Variants in FRMD4A observed in about 807,000 individuals in gnomAD.
FRMD4A encodes FERM domain containing 4A.
Under a neutral mutation model 129.1 loss-of-function variants are expected in FRMD4A, and 29 were observed. The ratio of observed to expected loss-of-function variants is 0.22; its 90% confidence interval spans 0.17 to 0.31. The LOEUF is 0.31. Among genes scored for constraint, FRMD4A ranks in the 10% least tolerant of loss-of-function variants. FRMD4A has a pLI of 1.00. For missense variants in FRMD4A, 1,272 were observed against 1,375.8 expected (o/e 0.92, Z 1.19); for synonymous variants, 634 against 571.6 (o/e 1.11, Z -1.56).
At chr10:14,227,779 G>A (rs370588203) in intron 2 of FRMD4A, among the ~76,000 whole-genome samples, 1 of 152,148 alleles carries the variant, frequency 6.6e-6, no homozygotes, top group Non-Finnish European at 1.5e-5. Flanking sequence ...CCCAGAACAG[G>A]TTCCTGGCTC....
intron 2 of FRMD4A, among the ~76,000 whole-genome samples, chr10:13,966,547 G>T (rs1221124092): frequency 1.3e-5 from 2 of 152,208 alleles, no homozygotes; most frequent in African/African-American, 4.8e-5. Flanking sequence ...GAGATGTGCA[G>T]GGGGCTGCCA....
At chr10:14,083,957 A>T (rs1836090103) in intron 2 of FRMD4A, 1 of 152,214 alleles carries the variant, frequency 6.6e-6, no homozygotes, top group Non-Finnish European at 1.5e-5. Flanking sequence ...GAGTGAATAA[A>T]GACTCATTTA....
At chr10:14,068,958 T>G (rs1431533319) in intron 2 of FRMD4A, among the ~76,000 whole-genome samples, 1 of 151,774 alleles carries the variant, frequency 6.6e-6, no homozygotes, top group Non-Finnish European at 1.5e-5. Context: ...TCGAATGTTT[T>G]GTGGGTATAT....
chr10:13,678,180 C>G (rs1305001205), intron 15 of FRMD4A, among the ~76,000 whole-genome samples: 2 of 152,122 alleles, frequency 1.3e-5, no homozygotes, highest in Non-Finnish European at 2.9e-5. Context: ...GATACCAAGC[C>G]CACAGAAAAC....
intron 2 of FRMD4A, among the ~76,000 whole-genome samples, chr10:14,019,175 A>G (rs1320957999): frequency 6.6e-6 from 1 of 152,162 alleles, no homozygotes; most frequent in East Asian, 1.9e-4. Context: ...AGCTAATCCA[A>G]TTGATGCAGG....
At chr10:14,325,303 T>C (rs1439872504) in intron 2 of FRMD4A, among the ~76,000 whole-genome samples, 1 of 152,206 alleles carries the variant, frequency 6.6e-6, no homozygotes, top group East Asian at 1.9e-4. Flanking sequence ...AGAGAAGGAT[T>C]AGATTATAGT....
In FRMD4A at chr10:13,884,154, TCTCA is replaced by T. The variant is rs2094582928; in HGVS notation, c.46-25246_46-25243del. On this transcript the variant is annotated intron_variant, in intron 2 of 24. Coordinates refer to ENST00000357447, the MANE Select transcript of FRMD4A (RefSeq NM_018027.5). ...CACGCTCACACACACTCTCACACACTCTCACACACACACTCACACACTCACACAC... is the reference window on the plus strand; with the variant it reads ...CACGCTCACACACACTCTCACACACTCACACACACTCACACACTCACACAC... Among the ~76,000 whole-genome samples the T allele has an allele frequency of 2.3e-3, 252 of 111,198 alleles. 9 individuals are homozygous for T. Among genetic ancestry groups the T allele is most frequent in the African/African-American group, 8.5e-3 (237 of 27,908 alleles). The allele number at this position is 111,198 out of a possible 152,430, so 73.0% of individuals were successfully genotyped here.
intron 2 of FRMD4A, among the ~76,000 whole-genome samples, chr10:14,278,045 C>T (rs922872027): frequency 1.3e-5 from 2 of 152,298 alleles, no homozygotes; most frequent in South Asian, 4.1e-4. Context: ...CCACCAAGCT[C>T]GCAACACAAG....
Position 14,279,318 on chromosome 10 carries a change from C to T in FRMD4A, c.45+50740G>A, listed in dbSNP as rs1205988937. 2.0e-5 allele frequency among the ~76,000 whole-genome samples: 3 copies of T among 151,620 alleles called. No individual in the cohort carries two copies. The East Asian group carries it at 5.8e-4, about 29-fold the overall frequency. On this transcript the variant is annotated intron_variant, in intron 2 of 24. Transcript: ENST00000357447. ...GTTCTTGTGCCTGCCTCCCCAGTAG[C>T]TGGGATTACAGGTGCCCACCACCAT... is the stretch of plus-strand genomic sequence containing the variant.
chr10:13,871,790 G>A (rs1316606959), intron 2 of FRMD4A, among the ~76,000 whole-genome samples: 1 of 152,214 alleles, frequency 6.6e-6, no homozygotes, highest in Non-Finnish European at 1.5e-5. Flanking sequence ...GGAGGCTCCA[G>A]GCACACATCC....
At chr10:14,122,383 G>T (rs1218101966) in intron 2 of FRMD4A, among the ~76,000 whole-genome samples, 1 of 152,090 alleles carries the variant, frequency 6.6e-6, no homozygotes, top group Non-Finnish European at 1.5e-5. Context: ...TACTCATGGG[G>T]TGTGTATTAG....
chr10:13,891,754 G>A lies in FRMD4A; in HGVS notation c.46-32842C>T, dbSNP rs552719383. 940 of 983,048 alleles carry A rather than the reference G, an allele frequency of 9.6e-4. 6 individuals carry two copies. In the African/African-American group the frequency reaches 0.016, roughly 16 times the overall value. 60.9% of individuals were successfully genotyped at this position (983,048 alleles called of 1,614,324 possible). A position where few individuals can be genotyped will look rare whatever the true frequency, so the allele number is the denominator to read the frequency against. On this transcript the variant is annotated intron_variant, in intron 2 of 24. Transcript: ENST00000357447. ...TAGGCGGCCTTGGCGCCCGCAGCTGGCGAGCCCCCGCCCCGTCCCCGCCGC... is the reference window on the plus strand; with the variant it reads ...TAGGCGGCCTTGGCGCCCGCAGCTGACGAGCCCCCGCCCCGTCCCCGCCGC...
At chr10:13,795,300 A>G (rs1328438001) in intron 5 of FRMD4A, among the ~76,000 whole-genome samples, 2 of 152,262 alleles carry the variant, frequency 1.3e-5, no homozygotes, top group Non-Finnish European at 2.9e-5. Flanking sequence ...TGGCATTGAA[A>G]TCATCCCCAT....
At chr10:14,015,276 T>C (rs2095695522) in intron 2 of FRMD4A, among the ~76,000 whole-genome samples, 1 of 130,226 alleles carries the variant, frequency 7.7e-6, no homozygotes, top group Admixed American at 7.8e-5. Context: ...CTTCCTTTCT[T>C]CCTTCCTTCC....
intron 2 of FRMD4A, chr10:13,891,548 C>A: frequency 1.1e-6 from 1 of 951,458 alleles, no homozygotes; most frequent in African/African-American, 1.8e-5. Flanking sequence ...CCCGGCCCAG[C>A]GTGAAAACAC....
At chr10:14,297,967 G>A (rs570416358) in intron 2 of FRMD4A, among the ~76,000 whole-genome samples, 1 of 152,296 alleles carries the variant, frequency 6.6e-6, no homozygotes, top group South Asian at 2.1e-4. Flanking sequence ...GGTTTTCTCA[G>A]CTGTTACACG....
chr10:13,921,108 G>A (rs1363644837), intron 2 of FRMD4A, among the ~76,000 whole-genome samples: 2 of 152,164 alleles, frequency 1.3e-5, no homozygotes, highest in African/African-American at 4.8e-5. Context: ...TTGGATTTTG[G>A]TGAGGGCTCC....
chr10:13,714,583 G>A (rs961864721), intron 12 of FRMD4A, among the ~76,000 whole-genome samples: 1 of 152,040 alleles, frequency 6.6e-6, no homozygotes, highest in African/African-American at 2.4e-5. Context: ...GAAACACATG[G>A]TGCCTAATAC....
chr10:13,729,799 G>A (rs1234065620), intron 12 of FRMD4A, among the ~76,000 whole-genome samples: 1 of 152,146 alleles, frequency 6.6e-6, no homozygotes, highest in Non-Finnish European at 1.5e-5. Context: ...ATAAGTAAAT[G>A]CTGTCTGCTG....
Sources: allele counts gnomAD v4.1 joint callset (sites outside exome capture counted in the v4.1 genomes callset), GRCh38; gene constraint gnomAD v4.1.1; transcripts MANE v1.5; gene names NCBI Gene and HGNC (gene_info 2026-07-23, HGNC 2026-07-21).